The following COG7 variants were observed in gnomAD, a reference collection of about 807,000 sequenced individuals.
COG7 encodes the protein conserved oligomeric Golgi complex subunit 7.
Under a neutral mutation model 91.5 loss-of-function variants are expected in COG7, and 49 were observed. The observed-to-expected ratio is 0.54, with a 90% CI of 0.43 to 0.68. COG7 has a LOEUF of 0.68. Ranked by LOEUF, COG7 falls within the 30% of genes least tolerant of loss-of-function variation. COG7 has a pLI of 0.00. For synonymous variants in COG7, 365 were observed against 388.7 expected (o/e 0.94, Z 0.72); for missense variants, 895 against 961.3 (o/e 0.93, Z 0.91).
At chr16:23,390,947 T>A (rs1229428681) in intron 16 of COG7, among the ~76,000 whole-genome samples, 5 of 152,250 alleles carry the variant, frequency 3.3e-5, no homozygotes, top group Non-Finnish European at 1.5e-5. Context: ...TACTAGGACA[T>A]TTTTGTTTGG....
At chr16:23,413,317 G>C (rs1567335102) in intron 10 of COG7, 131 bp downstream of exon 10, 1 of 742,700 alleles carries the variant, frequency 1.3e-6, no homozygotes, top group Non-Finnish European at 2.5e-6. Context: ...TGGAGTATTT[G>C]CTTTTTAAAA....
intron 11 of COG7, 141 bp from the exon 12 acceptor site, chr16:23,406,403 A>G (rs1963462988): frequency 1.3e-6 from 1 of 768,302 alleles, no homozygotes; most frequent in South Asian, 1.5e-5. Context: ...TAAGGCAACG[A>G]AAGGCTGCCC....
intron 2 of COG7, 135 bp from the exon 3 acceptor site, chr16:23,445,299 T>C (rs1964163778): frequency 2.6e-6 from 2 of 767,504 alleles, no homozygotes; most frequent in African/African-American, 1.7e-5. Flanking sequence ...ACCAATCATC[T>C]GGCTAAATTT....
chr16:23,403,669 T>C (rs759610136), intron 13 of COG7, 25 bp downstream of exon 13: 4 of 1,613,538 alleles, frequency 2.5e-6, no homozygotes, highest in African/African-American at 1.3e-5. Flanking sequence ...CCGGGAAAAA[T>C]TGATGTGGTC....
intron 11 of COG7, among the ~76,000 whole-genome samples, chr16:23,409,088 T>TGTGTGTGTGTGTGCGTGC (rs567307217): frequency 3.4e-5 from 5 of 147,912 alleles, no homozygotes; most frequent in Non-Finnish European, 6.0e-5. Flanking sequence ...TGTGTGTGTG[T>TGTGTGTGTGTGTGCGTGC]GCGTGCATGT....
Position 23,417,105 on chromosome 16 carries a change from A to C in COG7, c.1154T>G (p.Ile385Ser). The change falls in exon 9 of 17, where the codon ATT (isoleucine) becomes AGT (serine). Residue 385 changes from isoleucine (I) to serine (S), a missense_variant. Transcript: ENST00000307149. ...SAVPLEHGEV[I>S]DCVQELSHSV... ...GTGGCTCAGCTCCTGCACACAGTCA[A>C]TCACTTCCCCATGCTCCTGGTCAGC... is the stretch of plus-strand genomic sequence containing the variant. 1 of 1,614,228 alleles carries C rather than the reference A, an allele frequency of 6.2e-7. No individual in the cohort carries two copies. Among genetic ancestry groups the C allele is most frequent in the African/African-American group, 1.3e-5 (1 of 75,060 alleles).
intron 16 of COG7, among the ~76,000 whole-genome samples, chr16:23,389,573 G>A (rs1400579486): frequency 2.6e-5 from 4 of 152,256 alleles, no homozygotes; most frequent in South Asian, 4.1e-4. Flanking sequence ...GGCCCCCAGG[G>A]TATCCACTGA....
chr16:23,410,487 C>A, intron 10 of COG7, 127 bp from the exon 11 acceptor site: 1 of 769,248 alleles, frequency 1.3e-6, no homozygotes, highest in South Asian at 1.5e-5. Context: ...CTGGGAAAGC[C>A]GTTAAACATC....
intron 6 of COG7, among the ~76,000 whole-genome samples, chr16:23,429,854 G>A (rs562770113): frequency 7.4e-4 from 113 of 152,278 alleles, no homozygotes; most frequent in African/African-American, 2.6e-3. Flanking sequence ...CAAACAACAC[G>A]AGCAAATCTC....
intron 11 of COG7, 43 bp downstream of exon 11, chr16:23,410,252 C>T: frequency 6.4e-7 from 1 of 1,560,538 alleles, no homozygotes; most frequent in South Asian, 1.1e-5. Context: ...TCGTGCTGAT[C>T]AGGAACCCCA....
At chr16:23,438,074 A>C (rs916859602) in intron 4 of COG7, among the ~76,000 whole-genome samples, 2 of 142,250 alleles carry the variant, frequency 1.4e-5, no homozygotes, top group African/African-American at 2.7e-5. Context: ...ACAGAGCAAG[A>C]CTCCATCTCA....
chr16:23,420,897 C>T (rs1963744443), intron 7 of COG7, among the ~76,000 whole-genome samples: 1 of 146,472 alleles, frequency 6.8e-6, no homozygotes, highest in Non-Finnish European at 1.5e-5. Context: ...GTGTATGCTA[C>T]TATACCTGGC....
intron 12 of COG7, 125 bp from the exon 13 acceptor site, chr16:23,403,959 G>T: frequency 8.8e-7 from 1 of 1,134,128 alleles, no homozygotes. Context: ...TCCCAAACCT[G>T]GCTGTGCCCC....
chr16:23,440,163 C>G (rs975389462), intron 4 of COG7, among the ~76,000 whole-genome samples: 1 of 151,458 alleles, frequency 6.6e-6, no homozygotes, highest in African/African-American at 2.4e-5. Flanking sequence ...CCAAGGCAGG[C>G]AGATCACCTG....
rs550547729 is a variant in COG7, at chr16:23,405,389, T to G, written c.1662+687A>C. ...CAAGCAGTACACATCTGGTCCCCTC[T>G]CAGGAGGCTGACCCTGAACAGGGCC... On this transcript the variant is annotated intron_variant, in intron 12 of 16. Coordinates refer to ENST00000307149, the MANE Select transcript of COG7 (RefSeq NM_153603.4). 1.1e-4 allele frequency among the ~76,000 whole-genome samples: 16 copies of G among 152,242 alleles called. 1 individual carries two copies. Among genetic ancestry groups the G allele is most frequent in the African/African-American group, 3.6e-4 (15 of 41,544 alleles).
intron 13 of COG7, among the ~76,000 whole-genome samples, chr16:23,398,590 G>A (rs921248942): frequency 2.6e-5 from 4 of 152,130 alleles, no homozygotes; most frequent in South Asian, 2.1e-4. Flanking sequence ...CAGAGGCCAC[G>A]TGTCAGTCTC....
At chr16:23,419,607 G>A (rs1034786814) in intron 7 of COG7, among the ~76,000 whole-genome samples, 5 of 150,076 alleles carry the variant, frequency 3.3e-5, no homozygotes, top group Non-Finnish European at 1.5e-5. Flanking sequence ...AAATTAGCCG[G>A]GCGTAGTGGC....
Position 23,388,952 on chromosome 16 carries a change from T to C in COG7, c.2281A>G (p.Thr761Ala), listed in dbSNP as rs1963140690. Residue 761 changes from threonine to alanine, a missense_variant, in exon 17 of 17, where the codon ACC (threonine) becomes GCC (alanine). Thr to Ala is a moderately conservative substitution (Grantham distance 58). Transcript: ENST00000307149. The part of the protein sequence containing the change: ...SKGLPRRLAT[T>A]VATMRSVNY ...TTCACACTCCGCATGGTGGCCACGGTGGTGGCCAGGCGACGGGGCAGGCCT... is the reference window on the plus strand; with the variant it reads ...TTCACACTCCGCATGGTGGCCACGGCGGTGGCCAGGCGACGGGGCAGGCCT... The C allele has an allele frequency of 2.5e-6, 4 of 1,613,966 alleles. No homozygotes were observed. The highest frequency in any genetic ancestry group is 2.2e-5 in the East Asian group (1 of 44,860).
intron 9 of COG7, chr16:23,415,532 T>C (rs535220986): frequency 1.3e-5 from 2 of 152,318 alleles, no homozygotes; most frequent in African/African-American, 4.8e-5. Context: ...TTGTCAACCA[T>C]GTCAGAGTCA....
Sources: allele counts gnomAD v4.1 joint callset (sites outside exome capture counted in the v4.1 genomes callset), GRCh38; gene constraint gnomAD v4.1.1; transcripts MANE v1.5; gene names NCBI Gene and HGNC (gene_info 2026-07-23, HGNC 2026-07-21).